The following NRXN1 variants were observed in gnomAD, a reference collection of about 807,000 sequenced individuals.
NRXN1 encodes the protein neurexin-1.
A neutral mutation model predicts 150.9 loss-of-function variants in NRXN1; 39 were observed. The ratio of observed to expected loss-of-function variants is 0.26; its 90% CI spans 0.20 to 0.34. The LOEUF (loss-of-function observed/expected upper bound fraction) is 0.34. Ranked by LOEUF, NRXN1 falls within the 10% of genes least tolerant of loss-of-function variation. The pLI is 1.00. For synonymous variants in NRXN1, 924 were observed against 757.0 expected, an observed-to-expected ratio of 1.22 and a Z score of -3.62; for missense variants, 1,815 against 1,949.9, an observed-to-expected ratio of 0.93 and a Z score of 1.30.
At chr2:50,421,421 C>A (rs13410567) in intron 17 of NRXN1, among the ~76,000 whole-genome samples, 6,707 of 152,028 alleles carry the variant, frequency 0.044, 490 homozygotes, top group African/African-American at 0.15. Flanking sequence ...GACTATTAAG[C>A]AAAGAATACA....
chr2:50,565,802 A>G lies in NRXN1; in HGVS notation c.1321-12777T>C, dbSNP rs749689554. Among the ~76,000 whole-genome samples the G allele has an allele frequency of 6.6e-5, 10 of 152,128 alleles. No individual in the cohort carries two copies. The South Asian group carries it at 1.0e-3, about 16-fold the overall frequency. On this transcript the variant is annotated intron_variant, in intron 8 of 22. Coordinates refer to ENST00000401669, the MANE Select transcript of NRXN1 (RefSeq NM_001330078.2). ...TTTGCAGTCATCTCCTCCCAAGTAT[A>G]ACTGTCATCAACTCCTCCCGTCAAT...
At chr2:50,806,798 T>C (rs557790400) in intron 5 of NRXN1, among the ~76,000 whole-genome samples, 3 of 152,176 alleles carry the variant, frequency 2.0e-5, no homozygotes, top group Non-Finnish European at 4.4e-5. Context: ...ATTGTTTCTA[T>C]TCTAACTATA....
chr2:50,478,629 T>A (rs2104762478), intron 15 of NRXN1, among the ~76,000 whole-genome samples: 1 of 152,330 alleles, frequency 6.6e-6, no homozygotes, highest in Admixed American at 6.5e-5. Context: ...AACAATCTAT[T>A]TTTGCTTCTG....
intron 18 of NRXN1, among the ~76,000 whole-genome samples, chr2:50,133,294 C>T (rs941417968): frequency 3.7e-5 from 4 of 108,276 alleles, no homozygotes; most frequent in African/African-American, 9.7e-5. Context: ...TGGAAATGGG[C>T]GTAAGTACAG....
intron 5 of NRXN1, among the ~76,000 whole-genome samples, chr2:50,698,524 G>A (rs2104940971): frequency 6.6e-6 from 1 of 152,228 alleles, no homozygotes; most frequent in East Asian, 1.9e-4. Context: ...CATGCAATGT[G>A]GTGGCTATTT....
intron 17 of NRXN1, among the ~76,000 whole-genome samples, chr2:50,281,786 A>G (rs1050254343): frequency 1.6e-4 from 25 of 152,256 alleles, no homozygotes; most frequent in African/African-American, 6.0e-4. Flanking sequence ...AATCTGTACT[A>G]TGATCTTGAA....
chr2:50,463,048 T>G (rs1245885427), intron 17 of NRXN1, among the ~76,000 whole-genome samples: 1 of 151,754 alleles, frequency 6.6e-6, no homozygotes, highest in African/African-American at 2.4e-5. Context: ...AAACTAGAGA[T>G]GAAAATTTCA....
chr2:50,440,991 C>T (rs377599656), intron 17 of NRXN1, among the ~76,000 whole-genome samples: 9 of 152,138 alleles, frequency 5.9e-5, no homozygotes, highest in East Asian at 1.9e-4. Context: ...GTAGCTTTTT[C>T]GATTAAAGAA....
chr2:50,478,753 T>C (rs1261843275), intron 15 of NRXN1, among the ~76,000 whole-genome samples: 1 of 152,208 alleles, frequency 6.6e-6, no homozygotes, highest in Non-Finnish European at 1.5e-5. Context: ...TAAACTTTCA[T>C]GTTGTGTAAC....
At chr2:50,791,212 A>C (rs546076320) in intron 5 of NRXN1, among the ~76,000 whole-genome samples, 1 of 151,502 alleles carries the variant, frequency 6.6e-6, no homozygotes, top group African/African-American at 2.4e-5. Context: ...TATAGCTCCA[A>C]GTGAATGTAA....
intron 5 of NRXN1, among the ~76,000 whole-genome samples, chr2:50,731,494 T>C (rs946970016): frequency 6.6e-6 from 1 of 151,912 alleles, no homozygotes; most frequent in Non-Finnish European, 1.5e-5. Context: ...AGAAATAAAG[T>C]GAGGGATGGA....
At chr2:50,545,493 T>A (rs2093474301) in intron 9 of NRXN1, among the ~76,000 whole-genome samples, 1 of 152,302 alleles carries the variant, frequency 6.6e-6, no homozygotes, top group African/African-American at 2.4e-5. Flanking sequence ...GCCCCTTAGC[T>A]AGGCAAGCCC....
At chr2:50,199,980 C>T (rs1046081203) in intron 18 of NRXN1, among the ~76,000 whole-genome samples, 3 of 152,148 alleles carry the variant, frequency 2.0e-5, no homozygotes, top group Non-Finnish European at 2.9e-5. Flanking sequence ...TTATGATTCA[C>T]AATGTCTGCA....
chr2:50,472,282 G>A lies in NRXN1; in HGVS notation c.3244+16C>T. The A allele has an allele frequency of 6.5e-7, 1 of 1,528,010 alleles. No homozygotes were observed. The highest frequency in any genetic ancestry group is 8.8e-7 in the Non-Finnish European group (1 of 1,134,262). 94.7% of individuals were successfully genotyped at this position (1,528,010 alleles called of 1,614,324 possible). A position where few individuals can be genotyped will look rare whatever the true frequency, so the allele number is the denominator to read the frequency against. On this transcript the variant is annotated intron_variant, in intron 16 of 22. Coordinates refer to ENST00000401669, the MANE Select transcript of NRXN1 (RefSeq NM_001330078.2). Reference sequence around the variant, plus strand: ...GAATTAGAATTATTTAGAGCATGATGACAAAAATCTAATACCTTCACATCC... The same window carrying A: ...GAATTAGAATTATTTAGAGCATGATAACAAAAATCTAATACCTTCACATCC...
intron 21 of NRXN1, among the ~76,000 whole-genome samples, chr2:50,051,368 T>C (rs778916073): frequency 1.3e-5 from 2 of 152,066 alleles, no homozygotes; most frequent in African/African-American, 4.8e-5. Context: ...ATCTCATTAA[T>C]GATAAAACAA....
chr2:50,797,325 T>A (rs898843044), intron 5 of NRXN1, among the ~76,000 whole-genome samples: 1 of 152,000 alleles, frequency 6.6e-6, no homozygotes, highest in Non-Finnish European at 1.5e-5. Flanking sequence ...AGACAGTAGT[T>A]CTCAATCACT....
intron 5 of NRXN1, among the ~76,000 whole-genome samples, chr2:50,801,375 T>C (rs1286208004): frequency 1.3e-5 from 2 of 152,202 alleles, no homozygotes; most frequent in Admixed American, 6.5e-5. Context: ...CAATATGTAT[T>C]GTGAATCACT....
At chr2:50,890,493 ATTTT>A (rs946947931) in intron 5 of NRXN1, among the ~76,000 whole-genome samples, 1 of 151,640 alleles carries the variant, frequency 6.6e-6, no homozygotes, top group South Asian at 2.1e-4. Context: ...TTTTACTTAG[ATTTT>A]TTTTAATGTG....
Position 50,408,874 on chromosome 2 carries a change from T to TCTCTCTCTCTCG in NRXN1, c.3364+56567_3364+56568insCGAGAGAGAGAG, listed in dbSNP as rs56378182. ...CTCTCTCTCTCTCTCTCTCTCTCTC[T>TCTCTCTCTCTCG]CATATTTATATGCTCTAAATCTGAC... On this transcript the variant is annotated intron_variant, in intron 17 of 22. Transcript: ENST00000401669. Among the ~76,000 whole-genome samples the TCTCTCTCTCTCG allele has an allele frequency of 2.1e-5, 3 of 145,002 alleles. No individual in the cohort carries two copies. In the Admixed American group the frequency reaches 2.1e-4, roughly 10 times the overall value.
Sources: gnomAD v4.1 joint callset for allele counts (sites outside exome capture counted in the v4.1 genomes callset) on GRCh38, gnomAD v4.1.1 for gene constraint, MANE v1.5 for transcripts, NCBI Gene and HGNC (gene_info 2026-07-23, HGNC 2026-07-21) for gene names.